The following COL15A1 variants were observed in gnomAD, a reference collection of about 807,000 sequenced individuals.
The protein encoded by COL15A1 is collagen alpha-1(XV) chain.
A neutral mutation model predicts 165.9 loss-of-function variants in COL15A1; 111 were observed. The observed-to-expected ratio is 0.67, with a 90% confidence interval of 0.57 to 0.78. COL15A1 has a LOEUF of 0.78. COL15A1 is among the 30% of genes least tolerant of loss of function. COL15A1 has a pLI of 0.00. For synonymous variants in COL15A1, 659 were observed against 674.8 expected, an observed-to-expected ratio of 0.98 and a Z score of 0.36; for missense variants, 1,745 against 1,789.7, an observed-to-expected ratio of 0.98 and a Z score of 0.45.
intron 2 of COL15A1, among the ~76,000 whole-genome samples, chr9:98,957,377 C>T (rs1054793481): frequency 6.6e-6 from 1 of 152,202 alleles, no homozygotes; most frequent in South Asian, 2.1e-4. Flanking sequence ...ATTTTTATCT[C>T]AGTAAGACCT....
intron 9 of COL15A1, among the ~76,000 whole-genome samples, chr9:99,011,471 T>A (rs1446232810): frequency 1.3e-5 from 2 of 151,812 alleles, no homozygotes; most frequent in African/African-American, 4.8e-5. Context: ...TTCTTTCTTG[T>A]ATAAAATTAT....
intron 2 of COL15A1, among the ~76,000 whole-genome samples, chr9:98,980,150 A>G (rs1246825250): frequency 3.7e-5 from 5 of 135,548 alleles, no homozygotes; most frequent in African/African-American, 1.5e-4. Flanking sequence ...ACAGAGCAAG[A>G]CTCTTGTCTC....
chr9:99,067,195 G>T, intron 40 of COL15A1, 128 bp downstream of exon 40: 1 of 781,822 alleles, frequency 1.3e-6, no homozygotes, highest in South Asian at 1.9e-5. Flanking sequence ...TACTGGCTAT[G>T]TCACTTTGGG....
chr9:98,959,133 G>A (rs1453645836), intron 2 of COL15A1, among the ~76,000 whole-genome samples: 1 of 141,046 alleles, frequency 7.1e-6, no homozygotes, highest in African/African-American at 2.6e-5. Context: ...GCTCACATCT[G>A]TAATCTCAGC....
At chr9:98,997,415 T>C (rs1425386338) in intron 6 of COL15A1, among the ~76,000 whole-genome samples, 1 of 152,226 alleles carries the variant, frequency 6.6e-6, no homozygotes, top group African/African-American at 2.4e-5. Flanking sequence ...ATCCTTGCTC[T>C]TTGTTGAATA....
intron 24 of COL15A1, among the ~76,000 whole-genome samples, 169 bp downstream of exon 24, chr9:99,042,276 G>T (rs79205397): frequency 0.016 from 2,382 of 152,186 alleles, 96 homozygotes; most frequent in East Asian, 0.13. Flanking sequence ...GGGCTCATAA[G>T]GTTGTACAAC....
At chr9:98,996,166 A>G (rs934976114) in intron 5 of COL15A1, among the ~76,000 whole-genome samples, 9 of 152,250 alleles carry the variant, frequency 5.9e-5, no homozygotes, top group South Asian at 2.1e-4. Flanking sequence ...TTAGTGCCTT[A>G]CAAAACAAAG....
At chr9:99,054,551 T>G in intron 31 of COL15A1, 25 bp from the exon 32 acceptor site, 1 of 1,579,096 alleles carries the variant, frequency 6.3e-7, no homozygotes, top group South Asian at 1.2e-5. Flanking sequence ...CCATTTTTTT[T>G]TAACATGTAT....
intron 3 of COL15A1, chr9:98,986,572 C>G (rs1838317298): frequency 6.4e-6 from 1 of 155,350 alleles, no homozygotes; most frequent in South Asian, 2.0e-4. Flanking sequence ...GGTAGCTTTT[C>G]CCGCCTTCTA....
At chr9:99,044,059 T>C (rs993200100) in intron 24 of COL15A1, among the ~76,000 whole-genome samples, 3 of 152,154 alleles carry the variant, frequency 2.0e-5, no homozygotes, top group Admixed American at 6.5e-5. Context: ...TTTTATACCG[T>C]CATCTCTTTC....
rs140452037 is a variant in COL15A1 at position 98,945,951 on chromosome 9, C to A, written c.100+1701C>A. ...TTTCTAACACAAAGGAAGCCCTATT[C>A]CCATTTATAATGTAAAAAGGGAGGG... On this transcript the variant is annotated intron_variant, in intron 2 of 41. Coordinates refer to ENST00000375001, the MANE Select transcript of COL15A1 (RefSeq NM_001855.5). 8.0e-4 allele frequency among the ~76,000 whole-genome samples: 122 copies of A among 152,276 alleles called. 2 individuals carry two copies. In the South Asian group the frequency reaches 0.013, roughly 16 times the overall value.
At chr9:99,005,972 C>T (rs921887515) in intron 9 of COL15A1, among the ~76,000 whole-genome samples, 1 of 152,192 alleles carries the variant, frequency 6.6e-6, no homozygotes, top group Admixed American at 6.5e-5. Context: ...CTCTTGGGCC[C>T]GTCCTCTCTG....
chr9:99,064,949 G>A (rs1359362770), intron 39 of COL15A1, among the ~76,000 whole-genome samples: 1 of 152,132 alleles, frequency 6.6e-6, no homozygotes, highest in Non-Finnish European at 1.5e-5. Flanking sequence ...TGCATGAAAA[G>A]AATGGAGAAG....
intron 4 of COL15A1, 70 bp from the exon 5 acceptor site, chr9:98,989,108 T>C (rs1197527863): frequency 8.3e-7 from 1 of 1,204,058 alleles, no homozygotes. Flanking sequence ...TCTGTAACTT[T>C]CCCAGTCATC....
intron 16 of COL15A1, 134 bp downstream of exon 16, chr9:99,026,100 T>A (rs1402987914): frequency 2.6e-6 from 2 of 773,104 alleles, no homozygotes; most frequent in Admixed American, 5.9e-5. Flanking sequence ...TGGCCACTTC[T>A]GCTGGATGTC....
At chr9:99,066,708 G>A (rs761890976) in intron 39 of COL15A1, among the ~76,000 whole-genome samples, 174 bp from the exon 40 acceptor site, 6 of 144,384 alleles carry the variant, frequency 4.2e-5, no homozygotes, top group Admixed American at 1.4e-4. Flanking sequence ...CTCCTTCCCC[G>A]GAAATGGTCA....
At chr9:99,040,648 A>G in intron 23 of COL15A1, 92 bp downstream of exon 23, 8 of 1,603,738 alleles carry the variant, frequency 5.0e-6, no homozygotes, top group Non-Finnish European at 6.8e-6. Context: ...CCATCTATGC[A>G]TGACTGAGCT....
intron 11 of COL15A1, among the ~76,000 whole-genome samples, chr9:99,017,288 T>G (rs995084314): frequency 3.9e-5 from 6 of 152,234 alleles, no homozygotes; most frequent in Non-Finnish European, 1.5e-5. Flanking sequence ...CTGCCACTGT[T>G]GCCTGCCTCT....
rs1419876420 is a variant in COL15A1, at chr9:98,966,826, A to G, written c.101-18739A>G. On this transcript the variant is annotated intron_variant, in intron 2 of 41. Coordinates refer to ENST00000375001, the MANE Select transcript of COL15A1 (RefSeq NM_001855.5). ...ATCTCAACAGTGGGGATCAGGTGAG[A>G]GCTAAGCTATTAAGTGCATATTAAG... 2.0e-5 allele frequency among the ~76,000 whole-genome samples: 3 copies of G among 152,172 alleles called. No individual in the cohort carries two copies. In the East Asian group the frequency reaches 5.8e-4, roughly 29 times the overall value.
Sources: gnomAD v4.1 joint callset for allele counts (sites outside exome capture counted in the v4.1 genomes callset) on GRCh38, gnomAD v4.1.1 for gene constraint, MANE v1.5 for transcripts, NCBI Gene and HGNC (gene_info 2026-07-23, HGNC 2026-07-21) for gene names.